Variants in PDE4D observed in about 807,000 individuals in gnomAD.
PDE4D encodes 3',5'-cyclic-AMP phosphodiesterase 4D.
A neutral mutation model predicts 87.4 loss-of-function variants in PDE4D; 24 were observed. The ratio of observed to expected loss-of-function variants is 0.27; its 90% CI spans 0.20 to 0.39. The LOEUF (loss-of-function observed/expected upper bound fraction) is 0.39. Ranked by LOEUF, PDE4D falls within the 10% of genes least tolerant of loss-of-function variation. The pLI is 1.00. For synonymous variants in PDE4D, 384 were observed against 383.2 expected (o/e 1.00, Z -0.02); for missense variants, 714 against 1,041.0 (o/e 0.69, Z 4.32).
At position 59,029,660 on chromosome 5, in the gene PDE4D, C is replaced by CTT. The variant is rs70973180; in HGVS notation, c.921+9197_921+9198dup. On this transcript the variant is annotated intron_variant, in intron 6 of 14. Coordinates refer to ENST00000340635, the MANE Select transcript of PDE4D (RefSeq NM_001104631.2). Reference sequence around the variant, plus strand: ...GCAATTCCTTTCAAAATTCCAATGTCTTTTTTTTTCACAGAAATAGAGAAA... The same window carrying CTT: ...GCAATTCCTTTCAAAATTCCAATGTCTTTTTTTTTTTCACAGAAATAGAGAAA... Among the ~76,000 whole-genome samples the CTT allele has an allele frequency of 1.9e-3, 280 of 150,544 alleles. 1 individual carries two copies. The highest frequency in any genetic ancestry group is 8.4e-3 in the South Asian group (40 of 4,772).
chr5:59,415,665 G>T (rs140708311), intron 1 of PDE4D, among the ~76,000 whole-genome samples: 2,474 of 152,158 alleles, frequency 0.016, 28 homozygotes, highest in Non-Finnish European at 0.026. Flanking sequence ...GGACAATTGG[G>T]CATCCAAATT....
intron 1 of PDE4D, among the ~76,000 whole-genome samples, chr5:59,659,631 T>A (rs1744917946): frequency 6.6e-6 from 1 of 152,220 alleles, no homozygotes; most frequent in South Asian, 2.1e-4. Context: ...GTTACAGCTA[T>A]CTCCTTTCTC....
intron 5 of PDE4D, among the ~76,000 whole-genome samples, chr5:59,053,647 T>TTTTTG (rs1561396118): frequency 9.3e-5 from 10 of 107,392 alleles, no homozygotes; most frequent in East Asian, 1.0e-3. Flanking sequence ...TGTTTTTTGT[T>TTTTTG]TTTTTTTGTT....
intron 3 of PDE4D, among the ~76,000 whole-genome samples, chr5:59,949,517 T>C (rs1013241620): frequency 1.3e-5 from 2 of 151,342 alleles, no homozygotes; most frequent in African/African-American, 4.9e-5. Flanking sequence ...TCTACCAAAC[T>C]ATCTGGTTTA....
chr5:59,791,088 G>A (rs543736268), intron 1 of PDE4D, among the ~76,000 whole-genome samples: 34 of 152,286 alleles, frequency 2.2e-4, no homozygotes, highest in African/African-American at 7.0e-4. Flanking sequence ...AGTACGTCCA[G>A]CATCACAGAA....
In PDE4D at chr5:58,988,366, T is replaced by C. The variant is rs985856816; in HGVS notation, c.1552+127A>G. 10 of 408,724 alleles carry C rather than the reference T, an allele frequency of 2.4e-5. No homozygotes were observed. In the East Asian group the frequency reaches 3.5e-4, roughly 14 times the overall value. 25.3% of individuals were successfully genotyped at this position (408,724 alleles called of 1,614,324 possible). On this transcript the variant is annotated intron_variant, in intron 11 of 14. Coordinates refer to ENST00000340635, the MANE Select transcript of PDE4D (RefSeq NM_001104631.2). ...AAATTACATTAACATGAACTATCAC[T>C]AAAACACATATATACACATCTCAAA...
intron 2 of PDE4D, among the ~76,000 whole-genome samples, chr5:60,038,726 A>C (rs1398696633): frequency 1.3e-5 from 2 of 151,818 alleles, no homozygotes; most frequent in Non-Finnish European, 2.9e-5. Context: ...CAATGAACTC[A>C]AACAAATTTA....
At chr5:59,629,739 T>C (rs1400611713) in intron 1 of PDE4D, among the ~76,000 whole-genome samples, 1 of 152,218 alleles carries the variant, frequency 6.6e-6, no homozygotes, top group Non-Finnish European at 1.5e-5. Flanking sequence ...ATTGCGCATG[T>C]CATTTAATCC....
chr5:58,985,139 C>T (rs1367789440), intron 11 of PDE4D, among the ~76,000 whole-genome samples: 1 of 152,092 alleles, frequency 6.6e-6, no homozygotes, highest in African/African-American at 2.4e-5. Context: ...GGTCTCCGAA[C>T]TCCTGACGTC....
rs1428715753 is a variant in PDE4D at position 59,094,535 on chromosome 5, G to T, written c.809-55564C>A. The stretch of plus-strand genomic sequence containing the variant: ...GGACTCATATCTCTGGAGTGAAAAG[G>T]TCTATTGCGTGCCCAGGGCAATGGA... On this transcript the variant is annotated intron_variant, in intron 5 of 14. Transcript: ENST00000340635. Among the ~76,000 whole-genome samples, 7 of 152,106 alleles carry T rather than the reference G, an allele frequency of 4.6e-5. No homozygotes were observed. In the East Asian group the frequency reaches 1.4e-3, roughly 30 times the overall value.
At chr5:59,021,282 G>A (rs1580342777) in intron 6 of PDE4D, among the ~76,000 whole-genome samples, 1 of 152,198 alleles carries the variant, frequency 6.6e-6, no homozygotes, top group East Asian at 1.9e-4. Context: ...ATAAAAAATA[G>A]GCTATCATAG....
chr5:60,106,473 C>T (rs9968635), intron 2 of PDE4D, among the ~76,000 whole-genome samples: 4,357 of 151,962 alleles, frequency 0.029, 202 homozygotes, highest in African/African-American at 0.1. Flanking sequence ...AACAAGGATA[C>T]CCAGGAATTG....
intron 2 of PDE4D, among the ~76,000 whole-genome samples, chr5:60,094,626 G>T (rs1775480108): frequency 7.1e-6 from 1 of 140,174 alleles, no homozygotes. Flanking sequence ...AAGTTGGAGG[G>T]TATTTGAACA....
chr5:59,489,263 CA>C (rs61144674), intron 1 of PDE4D, among the ~76,000 whole-genome samples: 31,989 of 122,124 alleles, frequency 0.26, 3,590 homozygotes, highest in Non-Finnish European at 0.3. Context: ...GACTCCATCT[CA>C]AAAAAAAAAA....
chr5:59,210,572 A>G (rs1389576200), intron 2 of PDE4D, among the ~76,000 whole-genome samples: 1 of 152,232 alleles, frequency 6.6e-6, no homozygotes, highest in Admixed American at 6.5e-5. Context: ...GAGGTCTGAG[A>G]TATCTGTATA....
At chr5:59,382,096 C>T (rs1273544781) in intron 1 of PDE4D, among the ~76,000 whole-genome samples, 1 of 152,064 alleles carries the variant, frequency 6.6e-6, no homozygotes, top group African/African-American at 2.4e-5. Context: ...CTGTTCTTTA[C>T]AGTCCCCCAT....
chr5:59,695,799 G>A (rs1311684094), intron 1 of PDE4D, among the ~76,000 whole-genome samples: 1 of 151,606 alleles, frequency 6.6e-6, no homozygotes, highest in Non-Finnish European at 1.5e-5. Context: ...TGTAGAGATG[G>A]GGTTTCACCA....
chr5:59,600,500 G>GT (rs1433748335), intron 1 of PDE4D, among the ~76,000 whole-genome samples: 2 of 152,168 alleles, frequency 1.3e-5, no homozygotes, highest in African/African-American at 4.8e-5. Flanking sequence ...GAAAATTCAT[G>GT]TTATAAGACA....
intron 5 of PDE4D, chr5:59,039,348 G>A: frequency 9.6e-7 from 1 of 1,036,284 alleles, no homozygotes; most frequent in Non-Finnish European, 1.2e-6. Flanking sequence ...CGAGGGGGTG[G>A]CGAGCGCGCT....
Sources: gnomAD v4.1 joint callset for allele counts (sites outside exome capture counted in the v4.1 genomes callset) on GRCh38, gnomAD v4.1.1 for gene constraint, MANE v1.5 for transcripts, NCBI Gene and HGNC (gene_info 2026-07-23, HGNC 2026-07-21) for gene names.